Variants in SORL1 observed in about 807,000 individuals in gnomAD.
The protein encoded by SORL1 is sortilin-related receptor.
SORL1 carries 127 observed loss-of-function variants against 273.7 expected under a neutral mutation model. The observed-to-expected ratio is 0.46, with a 90% CI of 0.40 to 0.54. SORL1 has a LOEUF of 0.54. SORL1 is among the 20% of genes least tolerant of loss of function. The pLI is 0.00. For missense variants in SORL1, 2,494 were observed against 2,846.1 expected (o/e 0.88, Z 2.81); for synonymous variants, 1,031 against 1,067.4 (o/e 0.97, Z 0.66).
At position 121,514,275 on chromosome 11, in the gene SORL1, G is replaced by C; in HGVS notation, c.1165G>C (p.Val389Leu). Residue 389 changes from valine to leucine, a missense_variant, in exon 8 of 48, where the codon GTG (valine) becomes CTG (leucine). Coordinates refer to ENST00000260197, the MANE Select transcript of SORL1 (RefSeq NM_003105.6). ...GLKFSLSLEN[V>L]LYYSPGGAGS... is the part of the protein sequence containing the mutation. ...GAAGTTCTCCCTGTCCTTGGAGAACGTGCTCTATTACAGCCCAGGAGGGGC... is the reference window on the plus strand; with the variant it reads ...GAAGTTCTCCCTGTCCTTGGAGAACCTGCTCTATTACAGCCCAGGAGGGGC... 6.2e-7 allele frequency: 1 copy of C among 1,614,170 alleles called. No homozygotes were observed. The highest frequency in any genetic ancestry group is 8.5e-7 in the Non-Finnish European group (1 of 1,180,022).
chr11:121,507,336 G>T (rs1861803550), intron 6 of SORL1, among the ~76,000 whole-genome samples: 1 of 152,026 alleles, frequency 6.6e-6, no homozygotes. Flanking sequence ...GGGGAGTTTT[G>T]GGTCATTATT....
In SORL1 at chr11:121,629,902, T is replaced by C. The variant is rs1863850837; in HGVS notation, c.*339T>C. On this transcript the variant is annotated 3_prime_UTR_variant, in exon 48 of 48. Transcript: ENST00000260197. ...TTTTTATTTTTCTAAGACACAGAAA[T>C]GTATTTAATAAAAACCTCGAGAGAG... is the stretch of plus-strand genomic sequence containing the variant. 1 of 267,268 alleles carries C rather than the reference T, an allele frequency of 3.7e-6. No homozygotes were observed. The highest frequency in any genetic ancestry group is 8.6e-5 in the East Asian group (1 of 11,692). The allele number at this position is 267,268 out of a possible 1,614,324, so 16.6% of individuals were successfully genotyped here. A position where few individuals can be genotyped will look rare whatever the true frequency, so the allele number is the denominator to read the frequency against.
chr11:121,626,973 T>TA (rs1413341942), intron 46 of SORL1: 5 of 153,554 alleles, frequency 3.3e-5, no homozygotes, highest in Admixed American at 2.6e-4. Flanking sequence ...CAAATAACTT[T>TA]AAAAAATGTT....
chr11:121,550,760 T>A lies in SORL1; in HGVS notation c.2266+90T>A. ...CCCAAGTCCGGGCTTGTGGCTCCTT[T>A]AATTGAGTGGAGAAAAACAATGGCC... On this transcript the variant is annotated intron_variant, in intron 16 of 47. Transcript: ENST00000260197. The surrounding 1 kb of genome is among the most constrained non-coding windows in gnomAD (Gnocchi z 5.3). The A allele has an allele frequency of 1.0e-6, 1 of 959,988 alleles. No individual in the cohort carries two copies. Among genetic ancestry groups the A allele is most frequent in the Non-Finnish European group, 1.6e-6 (1 of 637,178 alleles). 59.5% of individuals were successfully genotyped at this position (959,988 alleles called of 1,614,324 possible).
At chr11:121,575,436 C>T (rs973952788) in intron 24 of SORL1, among the ~76,000 whole-genome samples, 1 of 152,248 alleles carries the variant, frequency 6.6e-6, no homozygotes, top group African/African-American at 2.4e-5. Context: ...GTTGGCGGGG[C>T]CCTACTGTGC....
At chr11:121,593,053 A>G (rs1170896743) in intron 31 of SORL1, among the ~76,000 whole-genome samples, 2 of 152,048 alleles carry the variant, frequency 1.3e-5, no homozygotes, top group Admixed American at 6.5e-5. Context: ...TATTAACCTC[A>G]TATTTCTCCC....
At chr11:121,489,787 G>T (rs1441027725) in intron 4 of SORL1, among the ~76,000 whole-genome samples, 1 of 152,132 alleles carries the variant, frequency 6.6e-6, no homozygotes, top group Non-Finnish European at 1.5e-5. Context: ...TATAATTTTT[G>T]GTAATCCATA....
At chr11:121,573,294 T>C (rs1862875782) in intron 23 of SORL1, among the ~76,000 whole-genome samples, 1 of 152,158 alleles carries the variant, frequency 6.6e-6, no homozygotes, top group South Asian at 2.1e-4. Context: ...TTAAGTAAGT[T>C]GTAGGTTGCA....
At chr11:121,616,222 GGTCTCCAATT>G (rs1391534014) in intron 41 of SORL1, among the ~76,000 whole-genome samples, 3 of 152,086 alleles carry the variant, frequency 2.0e-5, no homozygotes, top group African/African-American at 4.8e-5. Flanking sequence ...CTTGATTTAG[GGTCTCCAATT>G]GTGCATGAAG....
intron 36 of SORL1, 110 bp downstream of exon 36, chr11:121,607,067 C>A: frequency 9.9e-7 from 1 of 1,010,646 alleles, no homozygotes; most frequent in South Asian, 1.3e-5. Context: ...GGTGATGACC[C>A]ATCCGTCAGA....
At chr11:121,512,717 C>G (rs1464245178) in intron 6 of SORL1, among the ~76,000 whole-genome samples, 1 of 152,174 alleles carries the variant, frequency 6.6e-6, no homozygotes, top group Non-Finnish European at 1.5e-5. Flanking sequence ...GTGTTGGCAG[C>G]CTCCAAAAAC....
rs561685205 is a variant in SORL1 at position 121,545,485 on chromosome 11, T to C, written c.2051+56T>C. The C allele has an allele frequency of 1.3e-5, 20 of 1,532,636 alleles. No individual in the cohort carries two copies. In the African/African-American group the frequency reaches 1.6e-4, roughly 13 times the overall value. The allele number at this position is 1,532,636 out of a possible 1,614,324, so 94.9% of individuals were successfully genotyped here. A position where few individuals can be genotyped will look rare whatever the true frequency, so the allele number is the denominator to read the frequency against. ...GTTGTGTTTTATTCACTCAGCAGTGTTGGGGGAAGAGATTAGGCATGGTCC... is the reference window on the plus strand; with the variant it reads ...GTTGTGTTTTATTCACTCAGCAGTGCTGGGGGAAGAGATTAGGCATGGTCC... On this transcript the variant is annotated intron_variant, in intron 14 of 47. Transcript: ENST00000260197.
At chr11:121,481,828 T>C (rs1178043820) in intron 3 of SORL1, among the ~76,000 whole-genome samples, 606 of 69,354 alleles carry the variant, frequency 8.7e-3, no homozygotes, top group Middle Eastern at 0.07. Flanking sequence ...TAGGCAGGCT[T>C]CATCTCCTCC....
intron 6 of SORL1, among the ~76,000 whole-genome samples, chr11:121,504,761 T>C (rs1438569362): frequency 1.3e-5 from 2 of 152,182 alleles, no homozygotes; most frequent in East Asian, 3.8e-4. Flanking sequence ...TAGGCATCCT[T>C]GTCTTATTCC....
intron 32 of SORL1, among the ~76,000 whole-genome samples, chr11:121,602,673 TG>T (rs2134919002): frequency 1.3e-5 from 2 of 152,276 alleles, no homozygotes; most frequent in South Asian, 4.1e-4. Context: ...GGGTCTGAAG[TG>T]GGGCGTATGA....
intron 24 of SORL1, 25 bp from the exon 25 acceptor site, chr11:121,577,256 T>G (rs1862944818): frequency 4.5e-6 from 7 of 1,560,884 alleles, no homozygotes; most frequent in African/African-American, 1.4e-5. Flanking sequence ...TGTCCTCACC[T>G]CTCTGTTTAT....
chr11:121,540,403 G>A (rs688503), intron 12 of SORL1, among the ~76,000 whole-genome samples: 66,526 of 151,470 alleles, frequency 0.44, 14,974 homozygotes, highest in East Asian at 0.55. Context: ...TGGGCCAGAC[G>A]CGGTGGCTCA....
At chr11:121,618,928 A>T (rs1189025907) in intron 42 of SORL1, 35 bp downstream of exon 42, 3 of 1,612,744 alleles carry the variant, frequency 1.9e-6, no homozygotes, top group Non-Finnish European at 2.5e-6. Context: ...TTTTTAAGGG[A>T]TGTCTTAAGT....
In SORL1 at chr11:121,632,137, A is replaced by T. The variant is rs1422509184; in HGVS notation, c.*2574A>T. 1 of 152,198 alleles carries T rather than the reference A, an allele frequency of 6.6e-6. No individual in the cohort carries two copies. 9.4% of individuals were successfully genotyped at this position (152,198 alleles called of 1,614,324 possible). A position where few individuals can be genotyped will look rare whatever the true frequency, so the allele number is the denominator to read the frequency against. On this transcript the variant is annotated 3_prime_UTR_variant, in exon 48 of 48. Transcript: ENST00000260197. Reference sequence around the variant, plus strand: ...GCCACCTCAGAAGTTCACACTGTGCAGGAAAAAGGTTTTATTCTCTCCTGG... The same window carrying T: ...GCCACCTCAGAAGTTCACACTGTGCTGGAAAAAGGTTTTATTCTCTCCTGG...
Sources: allele counts gnomAD v4.1 joint callset (sites outside exome capture counted in the v4.1 genomes callset), GRCh38; gene constraint gnomAD v4.1.1; non-coding constraint Gnocchi (gnomAD v3.1); transcripts MANE v1.5; gene names NCBI Gene and HGNC (gene_info 2026-07-23, HGNC 2026-07-21).